The following IMPDH2 variants were observed in gnomAD, a reference collection of about 807,000 sequenced individuals.
IMPDH2 encodes the protein inosine-5'-monophosphate dehydrogenase 2.
In IMPDH2, 33 loss-of-function variants were observed where a neutral mutation model predicts 57.8. The observed-to-expected ratio is 0.57, with a 90% CI of 0.43 to 0.76. The LOEUF is 0.76. Ranked by LOEUF, IMPDH2 falls within the 30% of genes least tolerant of loss-of-function variation. The probability of loss-of-function intolerance (pLI) is 0.00; values close to 1 mark genes in which losing one functional copy is unlikely to be tolerated. For synonymous variants in IMPDH2, 270 were observed against 241.3 expected, an observed-to-expected ratio of 1.12 and a Z score of -1.10; for missense variants, 446 against 659.1, an observed-to-expected ratio of 0.68 and a Z score of 3.54.
rs369314169 is a variant in IMPDH2, at chr3:49,029,214, G to C, written c.98+39C>G. The stretch of plus-strand genomic sequence containing the variant: ...CATCTGGCCTTTTCCCCAGGGTGCC[G>C]CCCCTCTCTTCGCCCAGGTGAGCCC... On this transcript the variant is annotated intron_variant, in intron 1 of 13. Coordinates refer to ENST00000326739, the MANE Select transcript of IMPDH2 (RefSeq NM_000884.3). 57 of 1,489,894 alleles carry C rather than the reference G, an allele frequency of 3.8e-5. No individual in the cohort carries two copies. In the African/African-American group the frequency reaches 7.2e-4, roughly 19 times the overall value. 92.3% of individuals were successfully genotyped at this position (1,489,894 alleles called of 1,614,324 possible).
chr3:49,026,447 T>A (rs1301952061), intron 8 of IMPDH2, 28 bp from the exon 9 acceptor site: 9 of 1,609,008 alleles, frequency 5.6e-6, no homozygotes, highest in Middle Eastern at 1.7e-4. Context: ...AAAATGCTCA[T>A]GTGAAGGTTA....
chr3:49,026,348 C>T lies in IMPDH2; in HGVS notation c.982G>A (p.Gly328Ser), dbSNP rs900843262. 1 of 1,612,722 alleles carries T rather than the reference C, an allele frequency of 6.2e-7. No individual in the cohort carries two copies. Among genetic ancestry groups the T allele is most frequent in the Non-Finnish European group, 8.5e-7 (1 of 1,179,356 alleles). Residue 328 changes from glycine to serine, a missense_variant, in exon 9 of 14, where the codon GGC becomes AGC. By Grantham distance (56) the Gly-to-Ser change is moderately conservative. Coordinates refer to ENST00000326739, the MANE Select transcript of IMPDH2 (RefSeq NM_000884.3). ...CCTTCCTGCGTAATGCAGATGGAGC[C>T]ACTTCCCATGCCCACCCGCAGGGCA... ...VDALRVGMGS[G>S]SICITQEVLA...
At chr3:49,025,343 G>T in intron 9 of IMPDH2, 74 bp from the exon 10 acceptor site, 1 of 1,557,392 alleles carries the variant, frequency 6.4e-7, no homozygotes, top group Non-Finnish European at 8.8e-7. Flanking sequence ...CCATATTTAG[G>T]ACCCAGGAGC....
chr3:49,026,761 CT>C lies in IMPDH2; in HGVS notation c.744del (p.Ala249ProfsTer22). On this transcript the variant is annotated frameshift_variant, in exon 7 of 14. Transcript: ENST00000326739. LOFTEE classifies it high-confidence loss of function. ...KDAKKQLLCG[A>X]AIGTHEDDKY... The stretch of plus-strand genomic sequence containing the variant: ...TTGTCATCCTCATGAGTGCCAATGG[CT>C]GCCCCACACAGCAGCTGTTTCTTGG... 1 of 1,614,226 alleles carries C rather than the reference CT, an allele frequency of 6.2e-7. No individual in the cohort carries two copies. The highest frequency in any genetic ancestry group is 8.5e-7 in the Non-Finnish European group (1 of 1,180,038).
chr3:49,028,504 A>AT lies in IMPDH2; in HGVS notation c.175dup (p.Ile59AsnfsTer4). On this transcript the variant is annotated frameshift_variant, in exon 3 of 14. Coordinates refer to ENST00000326739, the MANE Select transcript of IMPDH2 (RefSeq NM_000884.3). LOFTEE classifies it high-confidence loss of function. The stretch of plus-strand genomic sequence containing the variant: ...GGAAACCAGTGGGGTCTTAAGAGTG[A>AT]TTTTCTTGGTCAGAGCAGAAGTCAG... 1 of 1,614,068 alleles carries AT rather than the reference A, an allele frequency of 6.2e-7. No homozygotes were observed. Among genetic ancestry groups the AT allele is most frequent in the Non-Finnish European group, 8.5e-7 (1 of 1,179,978 alleles).
rs201535692 is a variant in IMPDH2, at chr3:49,025,149, G to C, written c.1127C>G (p.Ala376Gly). 3.5e-5 allele frequency: 57 copies of C among 1,614,190 alleles called. No individual in the cohort carries two copies. The Admixed American group carries it at 5.0e-4, about 14-fold the overall frequency. The change falls in exon 10 of 14, where the codon GCC (alanine) becomes GGC (glycine). Residue 376 changes from alanine (A) to glycine (G), a missense_variant. Transcript: ENST00000326739. ...ACCTGTGGAGGCCCCAAGGGCCAAG[G>C]CTTTCGCAATATGACCCACATTTTG... Reference protein sequence around the residue: ...GIQNVGHIAKALALGASTVMM... With the variant: ...GIQNVGHIAKGLALGASTVMM...
chr3:49,026,984 C>A lies in IMPDH2; in HGVS notation c.595G>T (p.Glu199Ter). Residue 199 changes from glutamate to a stop codon, truncating the protein, a stop_gained, in exon 6 of 14, where the codon GAA (glutamate) becomes TAA (stop). Transcript: ENST00000326739. LOFTEE classifies it high-confidence loss of function. ...PAGITLKEAN[E>*]ILQRSKKGKL... is the part of the protein sequence containing the mutation. ...CCCTTCTTGCTGCGCTGCAGAATTT[C>A]ATTTGCCTCCTTCAGTGTGATGCCT... 1 of 1,614,172 alleles carries A rather than the reference C, an allele frequency of 6.2e-7. No individual in the cohort carries two copies. Among genetic ancestry groups the A allele is most frequent in the Non-Finnish European group, 8.5e-7 (1 of 1,180,004 alleles).
rs1463439110 is a variant in IMPDH2, at chr3:49,028,538, G to A, written c.148-6C>T. On this transcript the variant is annotated splice_region_variant and splice_polypyrimidine_tract_variant and intron_variant, in intron 2 of 13. Coordinates refer to ENST00000326739, the MANE Select transcript of IMPDH2 (RefSeq NM_000884.3). ...GTCAGAGCAGAAGTCAGGTCCTGAG[G>A]AGACAAACGTCAACCAGTGTGGGAA... 8 of 1,607,268 alleles carry A rather than the reference G, an allele frequency of 5.0e-6. No individual in the cohort carries two copies. In the East Asian group the frequency reaches 1.1e-4, roughly 22 times the overall value.
At position 49,029,367 on chromosome 3, in the gene IMPDH2, C is replaced by T. The variant is rs202072822; in HGVS notation, c.-17G>A. On this transcript the variant is annotated 5_prime_UTR_variant, in exon 1 of 14. Coordinates refer to ENST00000326739, the MANE Select transcript of IMPDH2 (RefSeq NM_000884.3). ...GTCGGCCATGGCCAACACAGGACAC[C>T]GCCGCGTGTCTCCGAGGACCGCGCC... 7 of 1,541,670 alleles carry T rather than the reference C, an allele frequency of 4.5e-6. No homozygotes were observed. The African/African-American group carries it at 6.8e-5, about 15-fold the overall frequency.
intron 3 of IMPDH2, 32 bp downstream of exon 3, chr3:49,028,399 T>G: frequency 6.2e-7 from 1 of 1,605,282 alleles, no homozygotes; most frequent in South Asian, 1.1e-5. Flanking sequence ...GATGGAGTCC[T>G]TGCTCCTTCC....
rs371591153 is a variant in IMPDH2 at position 49,028,549 on chromosome 3, C to T, written c.148-17G>A. The T allele has an allele frequency of 6.9e-6, 11 of 1,596,374 alleles. No individual in the cohort carries two copies. The highest frequency in any genetic ancestry group is 9.4e-6 in the Non-Finnish European group (11 of 1,164,246). Reference sequence around the variant, plus strand: ...AGTCAGGTCCTGAGGAGACAAACGTCAACCAGTGTGGGAAAGCATCCCTTA... The same window carrying T: ...AGTCAGGTCCTGAGGAGACAAACGTTAACCAGTGTGGGAAAGCATCCCTTA... On this transcript the variant is annotated splice_polypyrimidine_tract_variant and intron_variant, in intron 2 of 13. Transcript: ENST00000326739.
intron 11 of IMPDH2, 21 bp downstream of exon 11, chr3:49,024,875 T>C (rs755103578): frequency 6.2e-6 from 10 of 1,614,022 alleles, no homozygotes; most frequent in Non-Finnish European, 1.7e-6. Flanking sequence ...TAGGGTGGGG[T>C]AACTGGCTTG....
intron 9 of IMPDH2, chr3:49,025,471 C>G (rs2093194357): frequency 3.3e-6 from 2 of 601,920 alleles, no homozygotes; most frequent in East Asian, 2.9e-5. Context: ...TACTCACCCC[C>G]ACATGTGCAC....
Position 49,029,395 on chromosome 3 carries a change from A to G in IMPDH2, c.-45T>C, listed in dbSNP as rs2093216744. ...CGCGTGTCTCCGAGGACCGCGCCGC[A>G]GAGACCTCTGCCGTCTGGGCCGCGC... On this transcript the variant is annotated 5_prime_UTR_variant, in exon 1 of 14. Transcript: ENST00000326739. 2.2e-6 allele frequency: 3 copies of G among 1,334,022 alleles called. No individual in the cohort carries two copies. Among genetic ancestry groups the G allele is most frequent in the Non-Finnish European group, 3.2e-6 (3 of 949,088 alleles). The allele number at this position is 1,334,022 out of a possible 1,614,324, so 82.6% of individuals were successfully genotyped here. A position where few individuals can be genotyped will look rare whatever the true frequency, so the allele number is the denominator to read the frequency against.
intron 9 of IMPDH2, 191 bp downstream of exon 9, chr3:49,026,132 GC>G (rs1456063545): frequency 1.5e-6 from 1 of 686,918 alleles, no homozygotes; most frequent in African/African-American, 1.8e-5. Context: ...GCCAGGCTAG[GC>G]AAGGGAGTGG....
In IMPDH2 at chr3:49,024,391, G is replaced by C. The variant is rs2093187698; in HGVS notation, c.1537C>G (p.Leu513Val). 3 of 1,613,906 alleles carry C rather than the reference G, an allele frequency of 1.9e-6. No homozygotes were observed. The highest frequency in any genetic ancestry group is 1.3e-5 in the African/African-American group (1 of 74,878). ...VHSLHSYEKR[L>V]F The stretch of plus-strand genomic sequence containing the variant: ...GTGTGCTGGATCCCTTTTCAGAAAA[G>C]CCGCTTCTCATACCTGCAGGCAGAA... The change falls in exon 14 of 14, where the codon CTT (leucine) becomes GTT (valine). Residue 513 changes from leucine (L) to valine (V), a missense_variant. Coordinates refer to ENST00000326739, the MANE Select transcript of IMPDH2 (RefSeq NM_000884.3).
At chr3:49,026,935 G>A in intron 6 of IMPDH2, 25 bp downstream of exon 6, 1 of 1,613,180 alleles carries the variant, frequency 6.2e-7, no homozygotes, top group Non-Finnish European at 8.5e-7. Flanking sequence ...TTAGTTCCAG[G>A]CCCTTTCCCA....
rs2093212872 is a variant in IMPDH2 at position 49,029,062 on chromosome 3, A to G, written c.98+191T>C. On this transcript the variant is annotated intron_variant, in intron 1 of 13. Transcript: ENST00000326739. ...GAATCTCCGGCCTGAGATTCCAAGC[A>G]CTACTGAGATGCTTCTCCGTACCCC... 4.6e-6 allele frequency: 3 copies of G among 647,180 alleles called. No homozygotes were observed. In the South Asian group the frequency reaches 5.2e-5, roughly 11 times the overall value. 40.1% of individuals were successfully genotyped at this position (647,180 alleles called of 1,614,324 possible).
intron 12 of IMPDH2, 27 bp from the exon 13 acceptor site, chr3:49,024,605 G>T: frequency 6.2e-7 from 1 of 1,614,138 alleles, no homozygotes; most frequent in Non-Finnish European, 8.5e-7. Flanking sequence ...GTCAAATGTG[G>T]GTAGCTGGCC....
Sources: gnomAD v4.1 joint callset for allele counts on GRCh38, gnomAD v4.1.1 for gene constraint, MANE v1.5 for transcripts, NCBI Gene and HGNC (gene_info 2026-07-23, HGNC 2026-07-21) for gene names.